The following SSBP2 variants were observed in gnomAD, a reference collection of about 807,000 sequenced individuals.
The protein encoded by SSBP2 is single-stranded DNA-binding protein 2.
Under a neutral mutation model 61.8 loss-of-function variants are expected in SSBP2, and 17 were observed. The observed-to-expected ratio is 0.28, with a 90% confidence interval of 0.19 to 0.41. The LOEUF is 0.41. Among genes scored for constraint, SSBP2 ranks in the 10% least tolerant of loss-of-function variants. The pLI is 1.00. For synonymous variants in SSBP2, 139 were observed against 141.3 expected (o/e 0.98, Z 0.12); for missense variants, 310 against 458.7 (o/e 0.68, Z 2.96).
chr5:81,597,735 A>G (rs1471352169), intron 4 of SSBP2, among the ~76,000 whole-genome samples: 1 of 151,848 alleles, frequency 6.6e-6, no homozygotes. Context: ...GGAAACCATC[A>G]TTCTCAGCAA....
intron 10 of SSBP2, among the ~76,000 whole-genome samples, chr5:81,450,641 C>G (rs1238110672): frequency 6.6e-6 from 1 of 152,194 alleles, no homozygotes; most frequent in East Asian, 1.9e-4. Flanking sequence ...CCTCATGACA[C>G]TTACAAAAAT....
intron 15 of SSBP2, among the ~76,000 whole-genome samples, chr5:81,433,789 C>G (rs1433826232): frequency 6.6e-6 from 1 of 152,170 alleles, no homozygotes; most frequent in Non-Finnish European, 1.5e-5. Flanking sequence ...GAAAGAGGCA[C>G]ATGAGTTTTA....
At chr5:81,597,698 G>C (rs1743914570) in intron 4 of SSBP2, among the ~76,000 whole-genome samples, 2 of 152,198 alleles carry the variant, frequency 1.3e-5, no homozygotes, top group South Asian at 4.2e-4. Context: ...ATGAGTTCAT[G>C]TCCTTTGTAG....
chr5:81,654,681 G>C (rs1400573682), intron 1 of SSBP2, among the ~76,000 whole-genome samples: 4 of 152,126 alleles, frequency 2.6e-5, no homozygotes, highest in Admixed American at 2.0e-4. Context: ...CCAGAAATAA[G>C]AATGTCCAGA....
intron 1 of SSBP2, among the ~76,000 whole-genome samples, chr5:81,652,177 A>C (rs1296423629): frequency 6.6e-6 from 1 of 152,206 alleles, no homozygotes; most frequent in Non-Finnish European, 1.5e-5. Flanking sequence ...TGGAGAGAAC[A>C]GACTTCAGAA....
At chr5:81,644,598 CCTAAT>C (rs1348633166) in intron 2 of SSBP2, among the ~76,000 whole-genome samples, 1 of 152,108 alleles carries the variant, frequency 6.6e-6, no homozygotes, top group East Asian at 1.9e-4. Context: ...CTGTACAATG[CCTAAT>C]CTTTTTGGCT....
chr5:81,684,723 C>G (rs1297550501), intron 1 of SSBP2, among the ~76,000 whole-genome samples: 1 of 152,144 alleles, frequency 6.6e-6, no homozygotes, highest in Admixed American at 6.5e-5. Flanking sequence ...GAGTAACTAA[C>G]TTGTTTTTTA....
intron 5 of SSBP2, among the ~76,000 whole-genome samples, chr5:81,497,161 T>G (rs1278551885): frequency 6.6e-6 from 1 of 152,228 alleles, no homozygotes; most frequent in African/African-American, 2.4e-5. Flanking sequence ...ACATTTTTGG[T>G]GGAGTTTTGA....
intron 4 of SSBP2, among the ~76,000 whole-genome samples, chr5:81,544,523 G>A (rs1303884830): frequency 6.6e-6 from 1 of 152,136 alleles, no homozygotes; most frequent in Middle Eastern, 3.2e-3. Flanking sequence ...ACATTCTTTG[G>A]AGAAATAGTA....
At chr5:81,649,149 T>C (rs1485169301) in intron 2 of SSBP2, among the ~76,000 whole-genome samples, 1 of 152,144 alleles carries the variant, frequency 6.6e-6, no homozygotes, top group African/African-American at 2.4e-5. Flanking sequence ...TCTGTGGCCA[T>C]GAGCCAGTTA....
chr5:81,747,864 C>G (rs28539361), intron 1 of SSBP2, among the ~76,000 whole-genome samples: 7,218 of 152,172 alleles, frequency 0.047, 214 homozygotes, highest in East Asian at 0.12. Context: ...AATGACCTAA[C>G]AAGATCAGAA....
At position 81,666,618 on chromosome 5, in the gene SSBP2, GTTATA is replaced by G. The variant is rs36233940; in HGVS notation, c.63-16284_63-16280del. Among the ~76,000 whole-genome samples the G allele has an allele frequency of 7.1e-3, 1,086 of 152,168 alleles. 5 individuals carry two copies. Among genetic ancestry groups the G allele is most frequent in the Non-Finnish European group, 0.012 (811 of 67,986 alleles). On this transcript the variant is annotated intron_variant, in intron 1 of 16. Transcript: ENST00000320672. ...ATTTTTAAAAACTAATTAAATCAAT[GTTATA>G]TTATAAATAATTATCTATAGAGTTT...
rs201081304 is a variant in SSBP2, at chr5:81,475,611, G to GT, written c.433-1050dup. 1.6e-4 allele frequency among the ~76,000 whole-genome samples: 24 copies of GT among 151,646 alleles called. 1 individual carries two copies. In the South Asian group the frequency reaches 4.2e-3, roughly 26 times the overall value. On this transcript the variant is annotated intron_variant, in intron 6 of 16. Coordinates refer to ENST00000320672, the MANE Select transcript of SSBP2 (RefSeq NM_012446.5). Reference sequence around the variant, plus strand: ...TTCCAGCCATATCAAACTTCTTTCAGTTTTTTTTCCTATTCATGCATTCAA... The same window carrying GT: ...TTCCAGCCATATCAAACTTCTTTCAGTTTTTTTTTCCTATTCATGCATTCAA...
intron 4 of SSBP2, among the ~76,000 whole-genome samples, chr5:81,596,291 G>C (rs1274858947): frequency 6.7e-6 from 1 of 148,694 alleles, no homozygotes; most frequent in Non-Finnish European, 1.5e-5. Flanking sequence ...GGGATGTGAA[G>C]GACCTCTTCA....
intron 4 of SSBP2, among the ~76,000 whole-genome samples, chr5:81,577,198 G>A (rs946478329): frequency 3.3e-5 from 5 of 152,044 alleles, no homozygotes; most frequent in Non-Finnish European, 7.4e-5. Flanking sequence ...TATATGATGA[G>A]AGTTTAACGG....
At position 81,414,697 on chromosome 5, in the gene SSBP2, C is replaced by T. The variant is rs1414632712; in HGVS notation, c.*5807G>A. On this transcript the variant is annotated 3_prime_UTR_variant, in exon 17 of 17. Coordinates refer to ENST00000320672, the MANE Select transcript of SSBP2 (RefSeq NM_012446.5). ...TAGATACAGTACCTTCAAAAGAAGG[C>T]CTAATGTGGACAAGCTAACATGGGT... The T allele has an allele frequency of 6.6e-6, 1 of 152,156 alleles. No homozygotes were observed. Among genetic ancestry groups the T allele is most frequent in the Non-Finnish European group, 1.5e-5 (1 of 68,026 alleles). The allele number at this position is 152,156 out of a possible 1,614,324, so 9.4% of individuals were successfully genotyped here. A position where few individuals can be genotyped will look rare whatever the true frequency, so the allele number is the denominator to read the frequency against.
chr5:81,468,545 A>G lies in SSBP2; in HGVS notation c.571-1504T>C, dbSNP rs945937014. Among the ~76,000 whole-genome samples the G allele has an allele frequency of 5.9e-5, 9 of 151,930 alleles. No individual in the cohort carries two copies. The East Asian group carries it at 1.2e-3, about 20-fold the overall frequency. ...CCTATCTTTCCTGTCCTCATTTTCTATAATTTTCATCTTTATTCCCTACTC... is the reference window on the plus strand; with the variant it reads ...CCTATCTTTCCTGTCCTCATTTTCTGTAATTTTCATCTTTATTCCCTACTC... On this transcript the variant is annotated intron_variant, in intron 8 of 16. Transcript: ENST00000320672.
intron 5 of SSBP2, among the ~76,000 whole-genome samples, chr5:81,498,888 T>A (rs2154067222): frequency 6.6e-6 from 1 of 152,284 alleles, no homozygotes; most frequent in African/African-American, 2.4e-5. Flanking sequence ...CATATTTTTA[T>A]TTTTATAATT....
At chr5:81,629,224 A>G (rs910807987) in intron 3 of SSBP2, among the ~76,000 whole-genome samples, 4 of 152,098 alleles carry the variant, frequency 2.6e-5, no homozygotes, top group African/African-American at 2.4e-5. Context: ...ACCTCAGGTG[A>G]TCCACCCGCC....
Sources: gnomAD v4.1 joint callset for allele counts (sites outside exome capture counted in the v4.1 genomes callset) on GRCh38, gnomAD v4.1.1 for gene constraint, MANE v1.5 for transcripts, NCBI Gene and HGNC (gene_info 2026-07-23, HGNC 2026-07-21) for gene names.